Variants in KBTBD11 observed in about 807,000 individuals in gnomAD.
The protein encoded by KBTBD11 is kelch repeat and BTB domain containing 11.
For synonymous variants in KBTBD11, 747 were observed against 499.0 expected (o/e 1.50, Z -6.63); for missense variants, 1,390 against 1,001.8 (o/e 1.39, Z -5.23).
At chr8:1,980,228 CTT>C (rs71211538) in intron 1 of KBTBD11, among the ~76,000 whole-genome samples, 10 of 124,592 alleles carry the variant, frequency 8.0e-5, no homozygotes, top group South Asian at 2.6e-4. Context: ...GATAATCAAA[CTT>C]TTTTTTTTTT....
At chr8:1,996,874 T>C (rs931683795) in intron 1 of KBTBD11, among the ~76,000 whole-genome samples, 1 of 152,134 alleles carries the variant, frequency 6.6e-6, no homozygotes, top group Non-Finnish European at 1.5e-5. Context: ...ACTTACATCT[T>C]CTGGGGGAAA....
chr8:1,999,024 T>C (rs1432368445), intron 1 of KBTBD11, among the ~76,000 whole-genome samples: 1 of 152,240 alleles, frequency 6.6e-6, no homozygotes, highest in Non-Finnish European at 1.5e-5. Context: ...GTCTGTGACC[T>C]ACCCTGGGGA....
chr8:1,991,643 G>T (rs1377730996), intron 1 of KBTBD11, among the ~76,000 whole-genome samples: 1 of 152,084 alleles, frequency 6.6e-6, no homozygotes, highest in Admixed American at 6.5e-5. Flanking sequence ...AAGAGCTCAG[G>T]GTATCTTGTG....
At chr8:1,979,980 G>T (rs888404026) in intron 1 of KBTBD11, among the ~76,000 whole-genome samples, 3 of 152,212 alleles carry the variant, frequency 2.0e-5, no homozygotes, top group African/African-American at 7.2e-5. Flanking sequence ...TGGGAGTGCA[G>T]TGCCCAGTCT....
intron 1 of KBTBD11, among the ~76,000 whole-genome samples, chr8:1,988,120 C>A (rs1439665534): frequency 6.6e-6 from 1 of 152,186 alleles, no homozygotes; most frequent in Non-Finnish European, 1.5e-5. Context: ...TTTTCTTTAT[C>A]CAGTCTATCA....
intron 1 of KBTBD11, among the ~76,000 whole-genome samples, chr8:1,976,736 T>C (rs1245192293): frequency 6.6e-6 from 1 of 152,170 alleles, no homozygotes; most frequent in East Asian, 1.9e-4. Flanking sequence ...ATGAGTGCGT[T>C]GAAGGAGAGG....
chr8:1,999,956 GC>G (rs5888895), intron 1 of KBTBD11, among the ~76,000 whole-genome samples: 13,676 of 152,236 alleles, frequency 0.09, 769 homozygotes, highest in Non-Finnish European at 0.13. Flanking sequence ...ATACTCGACT[GC>G]TTTTGACCTA....
chr8:1,983,353 C>T (rs1335784121), intron 1 of KBTBD11, among the ~76,000 whole-genome samples: 3 of 152,206 alleles, frequency 2.0e-5, no homozygotes, highest in Non-Finnish European at 4.4e-5. Flanking sequence ...CATCTGTCCC[C>T]AGTCACGATG....
At chr8:1,974,318 C>A (rs974941325) in intron 1 of KBTBD11, 17 of 984,642 alleles carry the variant, frequency 1.7e-5, no homozygotes, top group Non-Finnish European at 2.0e-5. Context: ...GCCGCCCGCG[C>A]CGCGCCCGCA....
At chr8:1,993,471 A>G (rs145405353) in intron 1 of KBTBD11, among the ~76,000 whole-genome samples, 5 of 147,632 alleles carry the variant, frequency 3.4e-5, no homozygotes, top group Admixed American at 6.7e-5. Context: ...CCATCTGTCT[A>G]TCCATCCATC....
intron 1 of KBTBD11, chr8:1,974,330 T>TCACCGCCCCCGCCGAGGGTCC: frequency 1.0e-6 from 1 of 984,036 alleles, no homozygotes; most frequent in Non-Finnish European, 1.2e-6. Context: ...GCGCCCGCAG[T>TCACCGCCCCCGCCGAGGGTCC]CACCGCCCCC....
At chr8:1,991,180 G>C (rs1294630354) in intron 1 of KBTBD11, among the ~76,000 whole-genome samples, 1 of 152,246 alleles carries the variant, frequency 6.6e-6, no homozygotes, top group Non-Finnish European at 1.5e-5. Flanking sequence ...GGCCTCTGTA[G>C]TTTGGCAGTG....
chr8:1,994,366 G>A (rs1383497361), intron 1 of KBTBD11, among the ~76,000 whole-genome samples: 1 of 152,204 alleles, frequency 6.6e-6, no homozygotes, highest in African/African-American at 2.4e-5. Flanking sequence ...AGGGGCAACC[G>A]GCGACCCGCC....
Position 2,002,816 on chromosome 8 carries a change from C to T in KBTBD11, c.1624C>T (p.Arg542Cys). The T allele has an allele frequency of 2.1e-6, 3 of 1,434,768 alleles. No individual in the cohort carries two copies. Among genetic ancestry groups the T allele is most frequent in the African/African-American group, 1.5e-5 (1 of 66,802 alleles). 88.9% of individuals were successfully genotyped at this position (1,434,768 alleles called of 1,614,324 possible). A position where few individuals can be genotyped will look rare whatever the true frequency, so the allele number is the denominator to read the frequency against. The change falls in exon 2 of 2, where the codon CGC becomes TGC. Residue 542 changes from arginine to cysteine, a missense_variant. Arg to Cys is a radical substitution (Grantham distance 180). Transcript: ENST00000320248. This position sits in a 1 kb window ranked among gnomAD's most constrained non-coding sequence, Gnocchi z 4.1. ...GTGGAGCCCGTGCGTCGCGCCCCTG[C>T]GCCTCCCCGGCGGCCCCACGGGCCT... ...KQWSPCVAPL[R>C]LPGGPTGLQP...
At chr8:1,978,707 C>T (rs1816435893) in intron 1 of KBTBD11, among the ~76,000 whole-genome samples, 1 of 152,198 alleles carries the variant, frequency 6.6e-6, no homozygotes, top group Non-Finnish European at 1.5e-5. Flanking sequence ...GGGAATCTCA[C>T]TGGGCGGGAT....
chr8:1,999,061 T>G (rs1186455359), intron 1 of KBTBD11, among the ~76,000 whole-genome samples: 2 of 152,218 alleles, frequency 1.3e-5, no homozygotes, highest in Non-Finnish European at 2.9e-5. Flanking sequence ...CTCAGAAACC[T>G]TCTTAATATT....
At chr8:1,985,418 C>T (rs538800799) in intron 1 of KBTBD11, among the ~76,000 whole-genome samples, 1 of 152,376 alleles carries the variant, frequency 6.6e-6, no homozygotes, top group South Asian at 2.1e-4. Flanking sequence ...CTCGGGAATT[C>T]CGAACACTGG....
intron 1 of KBTBD11, among the ~76,000 whole-genome samples, chr8:1,988,789 G>A (rs979283882): frequency 4.6e-5 from 7 of 151,962 alleles, no homozygotes; most frequent in East Asian, 1.9e-4. Flanking sequence ...AGTAGCTGGC[G>A]CGCTGTCTGG....
In KBTBD11 at chr8:2,005,405, A is replaced by G. The variant is rs1292814640; in HGVS notation, c.*2341A>G. On this transcript the variant is annotated 3_prime_UTR_variant, in exon 2 of 2. Transcript: ENST00000320248. ...TACATACTAGAGGACCTGCCACGCC[A>G]TGAGCAGTGTTTTTGCTTTTTGGGG... 1.8e-5 allele frequency: 3 copies of G among 167,252 alleles called. No homozygotes were observed. Among genetic ancestry groups the G allele is most frequent in the African/African-American group, 4.8e-5 (2 of 41,602 alleles). 10.4% of individuals were successfully genotyped at this position (167,252 alleles called of 1,614,324 possible).
Sources: gnomAD v4.1 joint callset for allele counts (sites outside exome capture counted in the v4.1 genomes callset) on GRCh38, gnomAD v4.1.1 for gene constraint, Gnocchi (gnomAD v3.1) non-coding constraint, MANE v1.5 for transcripts, NCBI Gene and HGNC (gene_info 2026-07-23, HGNC 2026-07-21) for gene names.